The following CDIP1 variants were observed in gnomAD, a reference collection of about 807,000 sequenced individuals.
CDIP1 encodes cell death-inducing p53-target protein 1.
In CDIP1, 9 loss-of-function variants were observed where a neutral mutation model predicts 17.7. The observed-to-expected ratio is 0.51, with a 90% CI of 0.31 to 0.89. CDIP1 has a LOEUF of 0.89. Among genes scored for constraint, CDIP1 ranks in the 40% least tolerant of loss-of-function variants. The pLI, the probability that CDIP1 is intolerant of heterozygous loss-of-function variation, is 0.05. For missense variants in CDIP1, 263 were observed against 277.9 expected (o/e 0.95, Z 0.38); for synonymous variants, 117 against 109.5 (o/e 1.07, Z -0.43).
At chr16:4,522,111 A>T (rs796332199) in intron 1 of CDIP1, among the ~76,000 whole-genome samples, 15 of 152,230 alleles carry the variant, frequency 9.9e-5, no homozygotes, top group African/African-American at 3.4e-4. Flanking sequence ...TTGCAATCAA[A>T]ACCCTCCCTA....
chr16:4,528,408 G>A (rs890323510), intron 1 of CDIP1, among the ~76,000 whole-genome samples: 4 of 152,222 alleles, frequency 2.6e-5, no homozygotes, highest in African/African-American at 7.2e-5. Flanking sequence ...TTTCTGGGCA[G>A]TAGGAGTTTA....
chr16:4,516,865 G>A (rs1224503215), intron 1 of CDIP1, among the ~76,000 whole-genome samples: 4 of 151,870 alleles, frequency 2.6e-5, no homozygotes, highest in African/African-American at 4.8e-5. Context: ...ACGGCACCAC[G>A]ACTGGCTGAT....
chr16:4,520,442 T>G (rs1048791552), intron 1 of CDIP1, among the ~76,000 whole-genome samples: 3 of 152,122 alleles, frequency 2.0e-5, no homozygotes, highest in African/African-American at 7.2e-5. Context: ...GCCACAGGAA[T>G]TGGAAGCCTT....
chr16:4,525,846 C>T (rs376671601), intron 1 of CDIP1, among the ~76,000 whole-genome samples: 1 of 152,200 alleles, frequency 6.6e-6, no homozygotes, highest in Non-Finnish European at 1.5e-5. Flanking sequence ...AAATCCTGAA[C>T]ATGGCCCATT....
chr16:4,516,000 T>C (rs2058883454), intron 1 of CDIP1, among the ~76,000 whole-genome samples: 1 of 152,116 alleles, frequency 6.6e-6, no homozygotes, highest in Admixed American at 6.5e-5. Context: ...GCATGAATCA[T>C]AATAGCCAAA....
chr16:4,537,514 C>A (rs1293527243), intron 1 of CDIP1, among the ~76,000 whole-genome samples: 4 of 152,124 alleles, frequency 2.6e-5, no homozygotes, highest in Non-Finnish European at 5.9e-5. Context: ...CCCCGCCCAG[C>A]ATCAGGCCCC....
intron 1 of CDIP1, among the ~76,000 whole-genome samples, chr16:4,530,388 G>A (rs539959334): frequency 6.6e-6 from 1 of 152,174 alleles, no homozygotes; most frequent in Admixed American, 6.5e-5. Flanking sequence ...AGTGGCTCAC[G>A]CCTGTAATCC....
intron 1 of CDIP1, among the ~76,000 whole-genome samples, chr16:4,519,807 C>T (rs2058926417): frequency 1.3e-5 from 2 of 151,982 alleles, no homozygotes; most frequent in Admixed American, 6.5e-5. Flanking sequence ...CCCCCTCTCT[C>T]GCCATGTGAT....
In CDIP1 at chr16:4,512,112, A is replaced by G. The variant is rs2141624690; in HGVS notation, c.*460T>C. The G allele has an allele frequency of 5.7e-6, 1 of 174,316 alleles. No individual in the cohort carries two copies. Among genetic ancestry groups the G allele is most frequent in the South Asian group, 1.3e-4 (1 of 7,956 alleles). The allele number at this position is 174,316 out of a possible 1,614,324, so 10.8% of individuals were successfully genotyped here. A position where few individuals can be genotyped will look rare whatever the true frequency, so the allele number is the denominator to read the frequency against. On this transcript the variant is annotated 3_prime_UTR_variant, in exon 6 of 6. Coordinates refer to ENST00000567695, the MANE Select transcript of CDIP1 (RefSeq NM_013399.3). This position sits in a 1 kb window ranked among gnomAD's most constrained non-coding sequence, Gnocchi z 4.6. ...TTGTGACCCTGTCCTACGTGGGCCC[A>G]CCTGACTCCAGACAACTTACCCATT...
chr16:4,538,470 G>C (rs1173303454), intron 1 of CDIP1: 3 of 143,176 alleles, frequency 2.1e-5, no homozygotes, highest in African/African-American at 7.8e-5. Flanking sequence ...ACCGCCCAGA[G>C]GCTTCTAGGA....
intron 1 of CDIP1, among the ~76,000 whole-genome samples, chr16:4,537,118 C>T (rs982617459): frequency 2.0e-5 from 3 of 152,148 alleles, no homozygotes; most frequent in African/African-American, 7.2e-5. Context: ...AACAACAATT[C>T]TAAGACTCTA....
intron 1 of CDIP1, among the ~76,000 whole-genome samples, chr16:4,535,757 T>G (rs1338905343): frequency 2.6e-5 from 4 of 152,194 alleles, no homozygotes. Flanking sequence ...CAGACCAGTG[T>G]CTCCAAGAGT....
At chr16:4,530,459 G>A (rs182641776) in intron 1 of CDIP1, among the ~76,000 whole-genome samples, 5 of 145,360 alleles carry the variant, frequency 3.4e-5, no homozygotes, top group Admixed American at 6.8e-5. Flanking sequence ...AAACCAGCCC[G>A]ACCAACATGG....
chr16:4,521,129 A>G (rs1358163132), intron 1 of CDIP1, among the ~76,000 whole-genome samples: 1 of 151,976 alleles, frequency 6.6e-6, no homozygotes, highest in African/African-American at 2.4e-5. Flanking sequence ...GTGGTGGTGA[A>G]GACTCAATTA....
At chr16:4,538,018 G>C (rs1441082093) in intron 1 of CDIP1, among the ~76,000 whole-genome samples, 1 of 152,192 alleles carries the variant, frequency 6.6e-6, no homozygotes, top group East Asian at 1.9e-4. Flanking sequence ...GCTCGGCAGG[G>C]GCTGGCTCGG....
chr16:4,522,304 G>A (rs1163028215), intron 1 of CDIP1: 2 of 152,322 alleles, frequency 1.3e-5, no homozygotes, highest in Non-Finnish European at 2.9e-5. Context: ...CAATGCCCCT[G>A]GAAGGATGCT....
Position 4,526,375 on chromosome 16 carries a change from AG to A in CDIP1, c.-104-11712del, listed in dbSNP as rs1268146085. ...AGCCGAGATCACACCGTCGCACTCC[AG>A]CCCGGGCAATAGTCTGAGAATCTGT... On this transcript the variant is annotated intron_variant, in intron 1 of 5. Transcript: ENST00000567695. Among the ~76,000 whole-genome samples the A allele has an allele frequency of 3.3e-5, 5 of 151,990 alleles. No individual in the cohort carries two copies. In the East Asian group the frequency reaches 9.7e-4, roughly 29 times the overall value.
At chr16:4,519,143 C>A (rs369222734) in intron 1 of CDIP1, among the ~76,000 whole-genome samples, 1 of 152,174 alleles carries the variant, frequency 6.6e-6, no homozygotes, top group African/African-American at 2.4e-5. Flanking sequence ...AGACCAGAGG[C>A]CTCTGCAAAG....
chr16:4,526,562 T>C (rs914467478), intron 1 of CDIP1, among the ~76,000 whole-genome samples: 1 of 151,686 alleles, frequency 6.6e-6, no homozygotes, highest in Non-Finnish European at 1.5e-5. Flanking sequence ...TAGCCAGGCA[T>C]GATGGCGGGC....
Sources: gnomAD v4.1 joint callset for allele counts (sites outside exome capture counted in the v4.1 genomes callset) on GRCh38, gnomAD v4.1.1 for gene constraint, Gnocchi (gnomAD v3.1) non-coding constraint, MANE v1.5 for transcripts, NCBI Gene and HGNC (gene_info 2026-07-23, HGNC 2026-07-21) for gene names.